Variants in MTUS1 observed in about 807,000 individuals in gnomAD.
MTUS1 encodes microtubule associated scaffold protein 1.
Under a neutral mutation model 120.8 loss-of-function variants are expected in MTUS1, and 109 were observed. That is an observed-to-expected ratio of 0.90 (90% CI 0.77 to 1.06). The LOEUF is 1.06. Among genes scored for constraint, MTUS1 ranks in the 50% least tolerant of loss-of-function variants. MTUS1 has a pLI of 0.00. For missense variants in MTUS1, 2,210 were observed against 1,486.3 expected (o/e 1.49, Z -8.01); for synonymous variants, 737 against 550.5 (o/e 1.34, Z -4.74).
chr8:17,682,943 C>CA (rs554148445), intron 7 of MTUS1, among the ~76,000 whole-genome samples: 34 of 133,530 alleles, frequency 2.5e-4, no homozygotes, highest in African/African-American at 8.8e-4. Context: ...AAAACAAAAA[C>CA]AAAAAAATCT....
intron 3 of MTUS1, among the ~76,000 whole-genome samples, chr8:17,724,344 C>T (rs575000879): frequency 1.4e-4 from 22 of 152,194 alleles, no homozygotes; most frequent in East Asian, 7.7e-4. Context: ...ACAGAACTCA[C>T]GTTAACTGAA....
chr8:17,663,639 A>G (rs1810267483), intron 8 of MTUS1, among the ~76,000 whole-genome samples: 1 of 152,048 alleles, frequency 6.6e-6, no homozygotes, highest in African/African-American at 2.4e-5. Flanking sequence ...TCTATCACCC[A>G]GGCTGGAGTG....
chr8:17,662,779 G>A (rs975635431), intron 8 of MTUS1, among the ~76,000 whole-genome samples: 1 of 150,364 alleles, frequency 6.7e-6, no homozygotes, highest in Admixed American at 6.7e-5. Context: ...TGTAAACCAT[G>A]AAAGCTATCT....
In MTUS1 at chr8:17,754,467, C is replaced by G. The variant is rs761790276; in HGVS notation, c.1341G>C (p.Ala447=). Residue 447 remains alanine, a synonymous_variant, in exon 2 of 15, where the codon GCG becomes GCC. Coordinates refer to ENST00000693296, the MANE Select transcript of MTUS1 (RefSeq NM_001363059.2). The part of the protein sequence containing the change: ...KVTFSVSPIE[A]TEKCKKVEKG... ...TCTCCACTTTCTTACATTTCTCCGT[C>G]GCTTCAATCGGTGAAACAGAAAAGG... is the stretch of plus-strand genomic sequence containing the variant. 4 of 1,614,156 alleles carry G rather than the reference C, an allele frequency of 2.5e-6. No individual in the cohort carries two copies. Among genetic ancestry groups the G allele is most frequent in the Admixed American group, 3.3e-5 (2 of 60,020 alleles).
At chr8:17,695,990 A>AT (rs1455010930) in intron 6 of MTUS1, among the ~76,000 whole-genome samples, 1 of 152,152 alleles carries the variant, frequency 6.6e-6, no homozygotes, top group Admixed American at 6.5e-5. Flanking sequence ...GGATTACAGT[A>AT]TTTTTAAAAG....
chr8:17,775,844 T>C (rs1367814187), intron 1 of MTUS1, among the ~76,000 whole-genome samples: 1 of 152,118 alleles, frequency 6.6e-6, no homozygotes, highest in African/African-American at 2.4e-5. Flanking sequence ...AAAATAAAAG[T>C]GACAAGACAC....
At position 17,645,814 on chromosome 8, in the gene MTUS1, C is replaced by A; in HGVS notation, c.*112G>T. 7.1e-7 allele frequency: 1 copy of A among 1,403,494 alleles called. No individual in the cohort carries two copies. The highest frequency in any genetic ancestry group is 9.5e-7 in the Non-Finnish European group (1 of 1,056,734). 86.9% of individuals were successfully genotyped at this position (1,403,494 alleles called of 1,614,324 possible). On this transcript the variant is annotated 3_prime_UTR_variant, in exon 15 of 15. Transcript: ENST00000693296. ...CGGTGGTGACGCTCCAGTTACCCTA[C>A]GGTGATCACACGTGTGCTGATATAC...
intron 1 of MTUS1, among the ~76,000 whole-genome samples, chr8:17,761,047 G>A (rs888862010): frequency 6.6e-6 from 1 of 152,194 alleles, no homozygotes; most frequent in East Asian, 1.9e-4. Flanking sequence ...TTGGACCAGA[G>A]AGAACAAATT....
intron 1 of MTUS1, among the ~76,000 whole-genome samples, chr8:17,782,370 A>G (rs1328123175): frequency 6.6e-6 from 1 of 152,226 alleles, no homozygotes. Flanking sequence ...TAATTGGAAA[A>G]GGTCTACCAG....
chr8:17,756,634 G>A (rs1477633651), intron 1 of MTUS1, among the ~76,000 whole-genome samples: 1 of 146,732 alleles, frequency 6.8e-6, no homozygotes, highest in Non-Finnish European at 1.5e-5. Flanking sequence ...ACACTAAACT[G>A]TTCCCCACCC....
chr8:17,765,618 C>CA (rs3039983), intron 1 of MTUS1, among the ~76,000 whole-genome samples: 51,624 of 94,308 alleles, frequency 0.55, 15,880 homozygotes, highest in Middle Eastern at 0.65. Flanking sequence ...GACTCTGTCT[C>CA]AAAAAAAAAA....
At chr8:17,710,139 T>G (rs1820999120) in intron 6 of MTUS1, among the ~76,000 whole-genome samples, 1 of 152,310 alleles carries the variant, frequency 6.6e-6, no homozygotes. Flanking sequence ...GCTGACTGAC[T>G]GATTAGGGTA....
In MTUS1 at chr8:17,775,083, C is replaced by T. The variant is rs374057769; in HGVS notation, c.-154-19122G>A. 1.5e-4 allele frequency among the ~76,000 whole-genome samples: 23 copies of T among 151,018 alleles called. No homozygotes were observed. The East Asian group carries it at 2.1e-3, about 14-fold the overall frequency. On this transcript the variant is annotated intron_variant, in intron 1 of 14. Transcript: ENST00000693296. ...GAGACAGAAAGTCAATTCGAGGTTA[C>T]CAGGGGCTGGGGCAGGGGAACATGG...
chr8:17,753,769 T>A lies in MTUS1; in HGVS notation c.2039A>T (p.Glu680Val). 2 of 1,612,926 alleles carry A rather than the reference T, an allele frequency of 1.2e-6. No individual in the cohort carries two copies. Among genetic ancestry groups the A allele is most frequent in the Non-Finnish European group, 1.7e-6 (2 of 1,179,768 alleles). Residue 680 changes from glutamate (E) to valine (V), a missense_variant, in exon 2 of 15, where the codon GAG becomes GTG. By Grantham distance (121) the Glu-to-Val change is moderately radical (BLOSUM62 -2). Coordinates refer to ENST00000693296, the MANE Select transcript of MTUS1 (RefSeq NM_001363059.2). ...CTCATTCATAATCTCTTGTTTCAGC[T>A]CTTGTTTTTCCATAGATGTCCCATT... ...KENGTSMEKQELKQEIMNETF... is the reference protein window; with the variant it reads ...KENGTSMEKQVLKQEIMNETF...
intron 1 of MTUS1, among the ~76,000 whole-genome samples, chr8:17,776,891 C>T (rs1269497428): frequency 6.6e-6 from 1 of 152,010 alleles, no homozygotes; most frequent in East Asian, 1.9e-4. Context: ...GGGCTCTCTC[C>T]TCTTTTAAGA....
At chr8:17,684,972 CCAT>C (rs1815449423) in intron 6 of MTUS1, among the ~76,000 whole-genome samples, 1 of 152,168 alleles carries the variant, frequency 6.6e-6, no homozygotes, top group Non-Finnish European at 1.5e-5. Context: ...TTCTCTCCTC[CCAT>C]ACATTTTCTA....
intron 8 of MTUS1, among the ~76,000 whole-genome samples, chr8:17,664,688 C>T (rs1213710500): frequency 6.6e-6 from 1 of 152,096 alleles, no homozygotes; most frequent in Non-Finnish European, 1.5e-5. Flanking sequence ...CAGGAGGGGA[C>T]ACTACATTCT....
chr8:17,726,673 T>C (rs1158767510), intron 3 of MTUS1, among the ~76,000 whole-genome samples: 1 of 152,196 alleles, frequency 6.6e-6, no homozygotes, highest in Non-Finnish European at 1.5e-5. Flanking sequence ...AATTAGCAAC[T>C]GTTAGATAGC....
rs1219156460 is a variant in MTUS1 at position 17,653,241 on chromosome 8, T to C, written c.3329A>G (p.Asn1110Ser). The C allele has an allele frequency of 1.9e-6, 3 of 1,559,644 alleles. No individual in the cohort carries two copies. Among genetic ancestry groups the C allele is most frequent in the African/African-American group, 1.4e-5 (1 of 72,562 alleles). The change falls in exon 12 of 15, where the codon AAT becomes AGT. Residue 1110 changes from asparagine to serine, a missense_variant. By Grantham distance (46) the Asn-to-Ser change is conservative (BLOSUM62 1). Coordinates refer to ENST00000693296, the MANE Select transcript of MTUS1 (RefSeq NM_001363059.2). ...TTGTTCTTCTGATTTCAATTTTTCA[T>C]TTAAAGCATCATTTTCACTCTTCAG... is the stretch of plus-strand genomic sequence containing the variant. ...NDLKSENDAL[N>S]EKLKSEEQKR...
Sources: gnomAD v4.1 joint callset for allele counts (sites outside exome capture counted in the v4.1 genomes callset) on GRCh38, gnomAD v4.1.1 for gene constraint, MANE v1.5 for transcripts, NCBI Gene and HGNC (gene_info 2026-07-23, HGNC 2026-07-21) for gene names.